Variants in ICA1 observed in about 807,000 individuals in gnomAD.
ICA1 encodes the protein 69 kDa islet cell autoantigen.
A neutral mutation model predicts 71.0 loss-of-function variants in ICA1; 40 were observed. The ratio of observed to expected loss-of-function variants is 0.56; its 90% CI spans 0.44 to 0.73. The LOEUF is 0.73. ICA1 is among the 30% of genes least tolerant of loss of function. The pLI is 0.00. For missense variants in ICA1, 578 were observed against 576.5 expected (o/e 1.00, Z -0.03); for synonymous variants, 207 against 209.5 (o/e 0.99, Z 0.10).
intron 1 of ICA1, among the ~76,000 whole-genome samples, chr7:8,251,190 A>T (rs546398900): frequency 7.5e-4 from 114 of 152,212 alleles, no homozygotes; most frequent in African/African-American, 2.6e-3. Flanking sequence ...GCCCAGCCAG[A>T]TATTTTTAAA....
chr7:8,240,284 G>C (rs1008120012), intron 1 of ICA1, among the ~76,000 whole-genome samples: 3 of 152,080 alleles, frequency 2.0e-5, no homozygotes, highest in African/African-American at 7.3e-5. Flanking sequence ...AGAGTCTGGA[G>C]TGGACCTCCA....
chr7:8,129,867 C>A (rs1417709614), intron 12 of ICA1, among the ~76,000 whole-genome samples: 3 of 127,936 alleles, frequency 2.3e-5, no homozygotes, highest in Non-Finnish European at 4.8e-5. Flanking sequence ...CCCCACCCCA[C>A]AACAGTCCCC....
chr7:8,208,534 A>C (rs1432752917), intron 6 of ICA1, among the ~76,000 whole-genome samples: 1 of 152,224 alleles, frequency 6.6e-6, no homozygotes, highest in Non-Finnish European at 1.5e-5. Context: ...GATGGTAAAA[A>C]TTACAACATT....
chr7:8,221,729 A>G (rs920692311), intron 4 of ICA1, among the ~76,000 whole-genome samples: 6 of 152,204 alleles, frequency 3.9e-5, no homozygotes, highest in Non-Finnish European at 5.9e-5. Context: ...GGGTTTGTCA[A>G]GTATGACTGT....
intron 6 of ICA1, among the ~76,000 whole-genome samples, chr7:8,210,981 T>C (rs188471776): frequency 1.3e-3 from 202 of 152,222 alleles, no homozygotes; most frequent in African/African-American, 4.4e-3. Flanking sequence ...AGTCAGGCAC[T>C]TTGGAAGTCA....
At chr7:8,152,042 C>T (rs1002610041) in intron 8 of ICA1, among the ~76,000 whole-genome samples, 3 of 152,148 alleles carry the variant, frequency 2.0e-5, no homozygotes, top group Non-Finnish European at 4.4e-5. Context: ...ATGGGAGGCC[C>T]TACTGCCTTT....
At chr7:8,138,931 G>A (rs747836254) in intron 11 of ICA1, 50 bp from the exon 12 acceptor site, 1 of 1,593,558 alleles carries the variant, frequency 6.3e-7, no homozygotes, top group East Asian at 2.2e-5. Context: ...TTCATTTTGT[G>A]AGGAGTTTGA....
Position 8,226,701 on chromosome 7 carries a change from T to C in ICA1, c.256+1900A>G, listed in dbSNP as rs535142941. Among the ~76,000 whole-genome samples, 11 of 152,340 alleles carry C rather than the reference T, an allele frequency of 7.2e-5. No individual in the cohort carries two copies. The South Asian group carries it at 2.1e-3, about 29-fold the overall frequency. ...GTCTCTGCTGAGATGGCATGGCTCA[T>C]GTGAGCTTAGCGGGTAGACATAAAA... On this transcript the variant is annotated intron_variant, in intron 4 of 13. Coordinates refer to ENST00000402384, the MANE Select transcript of ICA1 (RefSeq NM_001136020.3). The surrounding 1 kb of genome is among the most constrained non-coding windows in gnomAD (Gnocchi z 4.4).
At chr7:8,133,846 C>CTTT (rs57086182) in intron 12 of ICA1, among the ~76,000 whole-genome samples, 24 of 118,864 alleles carry the variant, frequency 2.0e-4, no homozygotes, top group South Asian at 2.7e-4. Context: ...AAAAATCATA[C>CTTT]TTTTTTTTTT....
intron 8 of ICA1, among the ~76,000 whole-genome samples, chr7:8,150,055 T>A (rs900444089): frequency 6.6e-6 from 1 of 152,184 alleles, no homozygotes. Flanking sequence ...AAAAGTAAAA[T>A]TAGAGAAAAA....
Position 8,166,798 on chromosome 7 carries a change from A to T in ICA1, c.580-8146T>A. On this transcript the variant is annotated intron_variant, in intron 6 of 13. Transcript: ENST00000402384. ...AGTAACTTAAATTTACAAGCAAAAA[A>T]CAAACCACTTGATTAAAAAACAGGC... 1.3e-5 allele frequency among the ~76,000 whole-genome samples: 2 copies of T among 152,228 alleles called. 1 individual carries two copies. Among genetic ancestry groups the T allele is most frequent in the Non-Finnish European group, 2.9e-5 (2 of 68,032 alleles).
intron 1 of ICA1, among the ~76,000 whole-genome samples, chr7:8,245,023 C>T (rs1427530731): frequency 1.3e-5 from 2 of 152,074 alleles, no homozygotes; most frequent in Non-Finnish European, 2.9e-5. Context: ...GGATCTAGAA[C>T]TAGAAATACC....
At chr7:8,169,966 A>C (rs1584851794) in intron 6 of ICA1, among the ~76,000 whole-genome samples, 2 of 149,930 alleles carry the variant, frequency 1.3e-5, no homozygotes, top group East Asian at 3.9e-4. Flanking sequence ...TCTAAGGTCT[A>C]AAAGACTGTT....
intron 6 of ICA1, among the ~76,000 whole-genome samples, chr7:8,202,793 G>C (rs886079778): frequency 1.8e-4 from 27 of 152,288 alleles, no homozygotes; most frequent in African/African-American, 6.5e-4. Flanking sequence ...GCATCTGTAG[G>C]ACCTGGTGGT....
chr7:8,167,213 G>A (rs1318731116), intron 6 of ICA1, among the ~76,000 whole-genome samples: 1 of 152,158 alleles, frequency 6.6e-6, no homozygotes, highest in Non-Finnish European at 1.5e-5. Flanking sequence ...GCAAAGATAT[G>A]GAATCAACCT....
chr7:8,229,862 A>AG (rs769754006), intron 3 of ICA1, among the ~76,000 whole-genome samples: 8 of 152,224 alleles, frequency 5.3e-5, no homozygotes, highest in Non-Finnish European at 1.0e-4. Flanking sequence ...TCCCTTAGCA[A>AG]GTGTTTTATA....
intron 12 of ICA1, among the ~76,000 whole-genome samples, chr7:8,138,065 T>C (rs1342036029): frequency 2.0e-5 from 3 of 152,200 alleles, no homozygotes; most frequent in Non-Finnish European, 4.4e-5. Flanking sequence ...TTTGGACTCT[T>C]GGTACATCAT....
At chr7:8,202,097 A>G (rs1789917695) in intron 6 of ICA1, among the ~76,000 whole-genome samples, 1 of 152,224 alleles carries the variant, frequency 6.6e-6, no homozygotes, top group South Asian at 2.1e-4. Context: ...AACAGTACAG[A>G]GGAAGCCAAA....
intron 1 of ICA1, among the ~76,000 whole-genome samples, chr7:8,248,981 G>C (rs1241785949): frequency 1.3e-5 from 2 of 152,168 alleles, no homozygotes; most frequent in Non-Finnish European, 2.9e-5. Context: ...AAGACCTCCT[G>C]ACCAATAGTT....
Sources: allele counts gnomAD v4.1 joint callset (sites outside exome capture counted in the v4.1 genomes callset), GRCh38; gene constraint gnomAD v4.1.1; non-coding constraint Gnocchi (gnomAD v3.1); transcripts MANE v1.5; gene names NCBI Gene and HGNC (gene_info 2026-07-23, HGNC 2026-07-21).